The following LMO3 variants were observed in gnomAD, a reference collection of about 807,000 sequenced individuals.
The protein encoded by LMO3 is LIM domain only 3, also known as LIM domain only protein 3.
A neutral mutation model predicts 15.8 loss-of-function variants in LMO3; 2 were observed. The observed-to-expected ratio is 0.13, with a 90% CI of 0.05 to 0.40. The LOEUF is 0.40. LMO3 is among the 10% of genes least tolerant of loss of function. The probability of loss-of-function intolerance (pLI) is 0.99; values close to 1 mark genes in which losing one functional copy is unlikely to be tolerated. For synonymous variants in LMO3, 62 were observed against 63.8 expected (o/e 0.97, Z 0.13); for missense variants, 86 against 182.2 (o/e 0.47, Z 3.04).
At chr12:16,608,122 A>T (rs1055607651), upstream of LMO3, 4 of 148,964 alleles carry the variant, frequency 2.7e-5, no homozygotes, top group Non-Finnish European at 5.9e-5. The surrounding 1 kb of genome is among the most constrained non-coding windows in gnomAD (Gnocchi z 4.1). Context: ...CTCTGAAAAC[A>T]CCCCAGTATG....
In LMO3 at chr12:16,595,297, G is replaced by C. The variant is rs1017427480; in HGVS notation, c.206+5358C>G. On this transcript the variant is annotated intron_variant, in intron 2 of 3. Transcript: ENST00000537304. ...ACAAAAGTAAAATAATTATATTATTGGTAAATACTCATTTACTGAAAATGA... is the reference window on the plus strand; with the variant it reads ...ACAAAAGTAAAATAATTATATTATTCGTAAATACTCATTTACTGAAAATGA... Among the ~76,000 whole-genome samples, 10 of 150,846 alleles carry C rather than the reference G, an allele frequency of 6.6e-5. 1 individual carries two copies. The South Asian group carries it at 2.1e-3, about 32-fold the overall frequency.
intron 3 of LMO3, among the ~76,000 whole-genome samples, chr12:16,558,712 T>G (rs1287056953): frequency 6.6e-6 from 1 of 152,146 alleles, no homozygotes; most frequent in African/African-American, 2.4e-5. Context: ...TAAGGTACAT[T>G]AGGCAACAAT....
At chr12:16,557,999 A>G (rs914007138) in intron 3 of LMO3, among the ~76,000 whole-genome samples, 1 of 152,096 alleles carries the variant, frequency 6.6e-6, no homozygotes, top group Admixed American at 6.5e-5. Context: ...CAACTTATAT[A>G]TCTGATGATA....
Position 16,550,406 on chromosome 12 carries a change from G to A in LMO3, c.*816C>T, listed in dbSNP as rs1022229109. ...GGCACTAGTTCACATAAGGGGTGTG[G>A]CTGAAAAAGCAAAACAAAGCCATTG... On this transcript the variant is annotated 3_prime_UTR_variant, in exon 4 of 4. Transcript: ENST00000537304. The A allele has an allele frequency of 3.9e-5, 6 of 152,236 alleles. No individual in the cohort carries two copies. The highest frequency in any genetic ancestry group is 2.6e-4 in the Admixed American group (4 of 15,224). The allele number at this position is 152,236 out of a possible 1,614,324, so 9.4% of individuals were successfully genotyped here. A position where few individuals can be genotyped will look rare whatever the true frequency, so the allele number is the denominator to read the frequency against.
chr12:16,574,522 C>T (rs1009078625), intron 2 of LMO3, among the ~76,000 whole-genome samples: 2 of 152,142 alleles, frequency 1.3e-5, no homozygotes, highest in African/African-American at 2.4e-5. Flanking sequence ...GTCTTTCTGA[C>T]AGGTTCAAAG....
Position 16,551,153 on chromosome 12 carries a change from T to C in LMO3, c.*69A>G, listed in dbSNP as rs564252113. On this transcript the variant is annotated 3_prime_UTR_variant, in exon 4 of 4. Transcript: ENST00000537304. ...CAGTAGGTTCCTGTGTCAATTCTTA[T>C]GTACATGTGGAGCAAAAAAGATAAA... is the stretch of plus-strand genomic sequence containing the variant. 9.0e-6 allele frequency: 9 copies of C among 997,084 alleles called. No individual in the cohort carries two copies. The East Asian group carries it at 9.5e-5, about 11-fold the overall frequency. 61.8% of individuals were successfully genotyped at this position (997,084 alleles called of 1,614,324 possible). A position where few individuals can be genotyped will look rare whatever the true frequency, so the allele number is the denominator to read the frequency against.
chr12:16,592,223 C>CTT (rs1355247309), intron 2 of LMO3, among the ~76,000 whole-genome samples: 1 of 152,000 alleles, frequency 6.6e-6, no homozygotes, highest in Admixed American at 6.6e-5. Context: ...CATTGTAGAA[C>CTT]TTTTAAAGAG....
At chr12:16,583,624 T>A (rs1303753733) in intron 2 of LMO3, among the ~76,000 whole-genome samples, 1 of 152,198 alleles carries the variant, frequency 6.6e-6, no homozygotes, top group East Asian at 1.9e-4. Flanking sequence ...AGAGGCTGAT[T>A]TATATCAAAC....
intron 1 of LMO3, 99 bp downstream of exon 1, chr12:16,605,967 G>A: frequency 1.3e-6 from 1 of 746,930 alleles, no homozygotes; most frequent in Non-Finnish European, 2.2e-6. Context: ...CAGAGGTTGG[G>A]GAAGAAAAAA....
intron 2 of LMO3, among the ~76,000 whole-genome samples, chr12:16,571,100 T>C (rs1438989463): frequency 1.3e-5 from 2 of 152,148 alleles, no homozygotes; most frequent in South Asian, 2.1e-4. Flanking sequence ...TATTTTATCT[T>C]ACCTCGTTGA....
chr12:16,567,724 G>T (rs559466715), intron 2 of LMO3: 3 of 152,316 alleles, frequency 2.0e-5, no homozygotes, highest in Non-Finnish European at 4.4e-5. Context: ...GGTGATGACA[G>T]CTTGGATGAT....
rs1779714740 is a variant in LMO3, at chr12:16,591,617, G to C, written c.206+9038C>G. Among the ~76,000 whole-genome samples the C allele has an allele frequency of 6.6e-6, 1 of 152,018 alleles. No homozygotes were observed. The highest frequency in any genetic ancestry group is 2.1e-4 in the South Asian group (1 of 4,832). ...ATTTATTGAATGAAAAAATGGGAAT[G>C]GGGATGATTGTTTTGCAAGAGGTAT... On this transcript the variant is annotated intron_variant, in intron 2 of 3. Transcript: ENST00000537304. The surrounding 1 kb of genome is among the most constrained non-coding windows in gnomAD (Gnocchi z 4.1).
In LMO3 at chr12:16,582,154, T is replaced by G. The variant is rs1943181193; in HGVS notation, c.206+18501A>C. Reference sequence around the variant, plus strand: ...GTAAATTTTCTTAATCATATTTAACTGGTTTCTTCCTGTTTCTCTTTATTT... The same window carrying G: ...GTAAATTTTCTTAATCATATTTAACGGGTTTCTTCCTGTTTCTCTTTATTT... On this transcript the variant is annotated intron_variant, in intron 2 of 3. Coordinates refer to ENST00000537304, the MANE Select transcript of LMO3 (RefSeq NM_018640.5). This position sits in a 1 kb window ranked among gnomAD's most constrained non-coding sequence, Gnocchi z 4.1. 6.6e-6 allele frequency among the ~76,000 whole-genome samples: 1 copy of G among 151,930 alleles called. No homozygotes were observed. The highest frequency in any genetic ancestry group is 1.5e-5 in the Non-Finnish European group (1 of 68,020).
At chr12:16,563,727 A>G (rs1293324858) in intron 2 of LMO3, among the ~76,000 whole-genome samples, 1 of 152,180 alleles carries the variant, frequency 6.6e-6, no homozygotes, top group Admixed American at 6.5e-5. Flanking sequence ...AGGGCCTAAG[A>G]GTTCTTAGTC....
chr12:16,580,204 G>C (rs112581235), intron 2 of LMO3, among the ~76,000 whole-genome samples: 403 of 152,208 alleles, frequency 2.6e-3, no homozygotes, highest in Middle Eastern at 0.01. Flanking sequence ...GGGCTCAAGT[G>C]GTCCTCCCAC....
At chr12:16,605,721 T>TA (rs1162985570) in intron 1 of LMO3, 1 of 1,510,062 alleles carries the variant, frequency 6.6e-7, no homozygotes, top group African/African-American at 1.4e-5. Context: ...GGTGTGGAAA[T>TA]ACTGCAGTTC....
chr12:16,607,201 C>G (rs1343614653), upstream of LMO3: 1 of 152,286 alleles, frequency 6.6e-6, no homozygotes, highest in Non-Finnish European at 1.5e-5. Context: ...GCCCAAGACC[C>G]AAACTGTGAA....
chr12:16,566,872 T>C (rs1942635531), intron 2 of LMO3, among the ~76,000 whole-genome samples: 2 of 152,278 alleles, frequency 1.3e-5, no homozygotes, highest in Non-Finnish European at 2.9e-5. Flanking sequence ...AGAAGAAGAA[T>C]TAAGTTAAAC....
chr12:16,570,848 G>T lies in LMO3; in HGVS notation c.207-10310C>A, dbSNP rs373883855. The stretch of plus-strand genomic sequence containing the variant: ...AGGTATTATTTAATTCTTGCAGCTA[G>T]CCAGTAAATTTTCAGATGATCAAAC... On this transcript the variant is annotated intron_variant, in intron 2 of 3. Coordinates refer to ENST00000537304, the MANE Select transcript of LMO3 (RefSeq NM_018640.5). 3.9e-5 allele frequency among the ~76,000 whole-genome samples: 6 copies of T among 152,054 alleles called. No homozygotes were observed. In the South Asian group the frequency reaches 6.2e-4, roughly 16 times the overall value.
Sources: gnomAD v4.1 joint callset for allele counts (sites outside exome capture counted in the v4.1 genomes callset) on GRCh38, gnomAD v4.1.1 for gene constraint, Gnocchi (gnomAD v3.1) non-coding constraint, MANE v1.5 for transcripts, NCBI Gene and HGNC (gene_info 2026-07-23, HGNC 2026-07-21) for gene names.